The following LRRIQ3 variants were observed in gnomAD, a reference collection of about 807,000 sequenced individuals.
The protein encoded by LRRIQ3 is leucine rich repeats and IQ motif containing 3, also known as leucine-rich repeat and IQ domain-containing protein 3.
Under a neutral mutation model 59.3 loss-of-function variants are expected in LRRIQ3, and 75 were observed. The ratio of observed to expected loss-of-function variants is 1.26; its 90% CI spans 1.05 to 1.53. The LOEUF is 1.53. Among genes scored for constraint, LRRIQ3 ranks in the 40% most tolerant of loss-of-function variants. The probability of loss-of-function intolerance (pLI) is 0.00; values close to 1 mark genes in which losing one functional copy is unlikely to be tolerated. For synonymous variants in LRRIQ3, 250 were observed against 231.3 expected, an observed-to-expected ratio of 1.08 and a Z score of -0.73; for missense variants, 831 against 710.0, an observed-to-expected ratio of 1.17 and a Z score of -1.94.
At chr1:74,060,188 T>TTTCCTCTTC (rs1654666387) in intron 6 of LRRIQ3, among the ~76,000 whole-genome samples, 9 of 111,518 alleles carry the variant, frequency 8.1e-5, no homozygotes, top group Non-Finnish European at 5.9e-5. Context: ...TCTTCTTCTT[T>TTTCCTCTTC]TTCTTCTTCT....
At chr1:74,193,287 C>G (rs1650885277) in intron 1 of LRRIQ3, among the ~76,000 whole-genome samples, 1 of 152,130 alleles carries the variant, frequency 6.6e-6, no homozygotes, top group African/African-American at 2.4e-5. Flanking sequence ...CGTATCAAGT[C>G]TCCAACCACA....
chr1:74,196,010 T>A (rs1221423194), intron 1 of LRRIQ3, among the ~76,000 whole-genome samples: 1 of 151,920 alleles, frequency 6.6e-6, no homozygotes, highest in Admixed American at 6.6e-5. Context: ...TAATTTTTTT[T>A]TTACTAAAAA....
At chr1:74,033,328 T>C (rs1653775152) in intron 7 of LRRIQ3, among the ~76,000 whole-genome samples, 1 of 151,816 alleles carries the variant, frequency 6.6e-6, no homozygotes, top group African/African-American at 2.4e-5. Flanking sequence ...CTGGAGAGAA[T>C]GGACAAAATA....
chr1:74,126,152 C>T (rs1316441554), intron 4 of LRRIQ3, among the ~76,000 whole-genome samples: 3 of 151,656 alleles, frequency 2.0e-5, no homozygotes, highest in East Asian at 1.9e-4. Flanking sequence ...AGTTTCTCAT[C>T]GTATCAACTA....
intron 6 of LRRIQ3, among the ~76,000 whole-genome samples, chr1:74,046,097 G>GA (rs1373814192): frequency 6.6e-6 from 1 of 152,034 alleles, no homozygotes; most frequent in Non-Finnish European, 1.5e-5. Context: ...CACAGAATTG[G>GA]AAAAAACTAC....
intron 4 of LRRIQ3, among the ~76,000 whole-genome samples, chr1:74,149,073 A>G (rs1647757978): frequency 6.6e-6 from 1 of 152,070 alleles, no homozygotes. Context: ...TTTCTATATC[A>G]TTGGATCTAA....
intron 3 of LRRIQ3, among the ~76,000 whole-genome samples, chr1:74,157,574 T>G (rs1356839179): frequency 6.6e-6 from 1 of 152,018 alleles, no homozygotes; most frequent in Non-Finnish European, 1.5e-5. Flanking sequence ...TTTTTCTATC[T>G]CTCATTCCAC....
At position 74,033,623 on chromosome 1, in the gene LRRIQ3, T is replaced by C. The variant is rs148231662; in HGVS notation, c.1719-6654A>G. On this transcript the variant is annotated intron_variant, in intron 7 of 7. Coordinates refer to ENST00000354431, the MANE Select transcript of LRRIQ3 (RefSeq NM_001105659.2). ...TTAACGTCCGGTAGGATAAAGATTG[T>C]TGGTGTCCAAAAATGTTGATATTAG... Among the ~76,000 whole-genome samples the C allele has an allele frequency of 1.2e-3, 188 of 152,134 alleles. 2 individuals are homozygous for C. The highest frequency in any genetic ancestry group is 2.1e-3 in the Non-Finnish European group (143 of 67,926).
chr1:74,156,764 C>T (rs985869709), intron 3 of LRRIQ3, among the ~76,000 whole-genome samples: 1 of 152,060 alleles, frequency 6.6e-6, no homozygotes, highest in African/African-American at 2.4e-5. Flanking sequence ...GGAAAAGATC[C>T]TGTATTGGCT....
intron 6 of LRRIQ3, among the ~76,000 whole-genome samples, chr1:74,046,962 G>A (rs1293602559): frequency 6.6e-6 from 1 of 152,196 alleles, no homozygotes; most frequent in African/African-American, 2.4e-5. Context: ...AGATGCTGGA[G>A]AGGATGTGGG....
intron 4 of LRRIQ3, among the ~76,000 whole-genome samples, chr1:74,137,355 C>A (rs920217623): frequency 3.9e-5 from 6 of 152,016 alleles, no homozygotes; most frequent in Non-Finnish European, 7.4e-5. Context: ...CTCATCATCA[C>A]TGGTCATTAG....
At chr1:74,159,450 C>T (rs1266041104) in intron 3 of LRRIQ3, among the ~76,000 whole-genome samples, 2 of 152,186 alleles carry the variant, frequency 1.3e-5, no homozygotes, top group South Asian at 2.1e-4. Flanking sequence ...GGCCTCCAAG[C>T]GTGACTTAAC....
chr1:74,111,197 T>C (rs1180907324), intron 4 of LRRIQ3, among the ~76,000 whole-genome samples: 1 of 151,762 alleles, frequency 6.6e-6, no homozygotes, highest in African/African-American at 2.4e-5. Context: ...ATATGTGCCC[T>C]GTGAAGAGAA....
chr1:74,041,069 T>C (rs6681458), intron 7 of LRRIQ3, 144 bp downstream of exon 7: 599,918 of 665,172 alleles, frequency 0.9, 272,256 homozygotes, highest in East Asian at 0.97. Flanking sequence ...TATATTAGTA[T>C]ATTATTTGTT....
At position 74,056,565 on chromosome 1, in the gene LRRIQ3, C is replaced by T. The variant is rs1472427705; in HGVS notation, c.998-14632G>A. On this transcript the variant is annotated intron_variant, in intron 6 of 7. Transcript: ENST00000354431. Reference sequence around the variant, plus strand: ...TACAAAAATCAGTAGTGTTTTAATACACCAATAGTGAACTGTCTGAATAAT... The same window carrying T: ...TACAAAAATCAGTAGTGTTTTAATATACCAATAGTGAACTGTCTGAATAAT... 3.3e-5 allele frequency among the ~76,000 whole-genome samples: 5 copies of T among 152,218 alleles called. No individual in the cohort carries two copies. The East Asian group carries it at 7.7e-4, about 24-fold the overall frequency.
chr1:74,155,611 A>T, intron 4 of LRRIQ3, 122 bp downstream of exon 4: 1 of 767,832 alleles, frequency 1.3e-6, no homozygotes, highest in East Asian at 3.2e-5. Flanking sequence ...TAGGTTAAAC[A>T]GACTATACCA....
At chr1:74,126,235 T>C (rs1383989202) in intron 4 of LRRIQ3, among the ~76,000 whole-genome samples, 2 of 151,874 alleles carry the variant, frequency 1.3e-5, no homozygotes, top group African/African-American at 4.8e-5. Context: ...GATTTGGGTC[T>C]TCTCTCTTTT....
chr1:74,170,464 T>G (rs543915826), intron 3 of LRRIQ3, among the ~76,000 whole-genome samples: 1 of 152,280 alleles, frequency 6.6e-6, no homozygotes, highest in East Asian at 1.9e-4. Flanking sequence ...TGCTGAAAAT[T>G]AGTTGAACAT....
intron 4 of LRRIQ3, among the ~76,000 whole-genome samples, chr1:74,138,693 T>C (rs1435633834): frequency 6.6e-6 from 1 of 151,994 alleles, no homozygotes. Context: ...ATGTTGCAAG[T>C]TATACTTGTA....
Sources: gnomAD v4.1 joint callset for allele counts (sites outside exome capture counted in the v4.1 genomes callset) on GRCh38, gnomAD v4.1.1 for gene constraint, MANE v1.5 for transcripts, NCBI Gene and HGNC (gene_info 2026-07-23, HGNC 2026-07-21) for gene names.